GGT7: variants seen among roughly 807,000 people sequenced by gnomAD.
The protein encoded by GGT7 is glutathione hydrolase 7.
A neutral mutation model predicts 69.2 loss-of-function variants in GGT7; 30 were observed. The observed-to-expected ratio is 0.43, with a 90% CI of 0.32 to 0.59. The LOEUF (loss-of-function observed/expected upper bound fraction) is 0.59. Ranked by LOEUF, GGT7 falls within the 20% of genes least tolerant of loss-of-function variation. GGT7 has a pLI of 0.05. For missense variants in GGT7, 733 were observed against 901.1 expected (o/e 0.81, Z 2.39); for synonymous variants, 388 against 391.8 (o/e 0.99, Z 0.12).
chr20:34,868,507 T>C (rs908092553), intron 1 of GGT7, among the ~76,000 whole-genome samples: 26 of 152,246 alleles, frequency 1.7e-4, no homozygotes, highest in African/African-American at 4.6e-4. Context: ...CTGGAGGCAG[T>C]TGGCCTAGTA....
At chr20:34,850,256 T>C in intron 13 of GGT7, 196 bp from the exon 14 acceptor site, 1 of 758,434 alleles carries the variant, frequency 1.3e-6, no homozygotes, top group Non-Finnish European at 2.4e-6. Context: ...GAAAGTGAAG[T>C]CCAGCAAGGA....
intron 14 of GGT7, among the ~76,000 whole-genome samples, chr20:34,849,395 T>A (rs1471253018): frequency 6.6e-6 from 1 of 152,092 alleles, no homozygotes; most frequent in Non-Finnish European, 1.5e-5. Context: ...AGGCTGCTCT[T>A]GAACTCTTGG....
intron 14 of GGT7, among the ~76,000 whole-genome samples, chr20:34,845,999 G>A (rs772992160): frequency 6.6e-6 from 1 of 151,778 alleles, no homozygotes; most frequent in Non-Finnish European, 1.5e-5. Context: ...GGCACAAGTT[G>A]CAGTAAAGTA....
chr20:34,851,458 C>G, intron 12 of GGT7, 90 bp from the exon 13 acceptor site: 3 of 1,302,754 alleles, frequency 2.3e-6, no homozygotes, highest in Non-Finnish European at 1.1e-6. Flanking sequence ...ACTGCTCTCC[C>G]TCTTCTACAT....
In GGT7 at chr20:34,863,840, A is replaced by G. The variant is rs565393238; in HGVS notation, c.170-292T>C. 1.6e-5 allele frequency: 10 copies of G among 608,802 alleles called. No homozygotes were observed. Among genetic ancestry groups the G allele is most frequent in the African/African-American group, 1.1e-4 (6 of 54,966 alleles). The allele number at this position is 608,802 out of a possible 1,614,324, so 37.7% of individuals were successfully genotyped here. A position where few individuals can be genotyped will look rare whatever the true frequency, so the allele number is the denominator to read the frequency against. On this transcript the variant is annotated intron_variant, in intron 1 of 14. Transcript: ENST00000336431. This position sits in a 1 kb window ranked among gnomAD's most constrained non-coding sequence, Gnocchi z 4.4. ...GCACCCAGGGCCCAGGGCTGAGAAC[A>G]CTTCCTGGGGGGTGGGGTGGGGGTT...
intron 14 of GGT7, among the ~76,000 whole-genome samples, chr20:34,849,652 T>G (rs1275632290): frequency 1.3e-5 from 2 of 152,212 alleles, no homozygotes; most frequent in African/African-American, 4.8e-5. Context: ...GGATGATGCC[T>G]GGAACACGTA....
Position 34,863,085 on chromosome 20 carries a change from T to A in GGT7, c.406-120A>T. On this transcript the variant is annotated intron_variant, in intron 2 of 14. Coordinates refer to ENST00000336431, the MANE Select transcript of GGT7 (RefSeq NM_178026.3). This position sits in a 1 kb window ranked among gnomAD's most constrained non-coding sequence, Gnocchi z 4.4. ...TCGAAGCCCTGCCCCCTTGTTGCCT[T>A]GACTCTGCCCTCATTACCCCAAGTG... 3 of 1,023,732 alleles carry A rather than the reference T, an allele frequency of 2.9e-6. No homozygotes were observed. The highest frequency in any genetic ancestry group is 4.3e-6 in the Non-Finnish European group (3 of 694,924). The allele number at this position is 1,023,732 out of a possible 1,614,324, so 63.4% of individuals were successfully genotyped here. A position where few individuals can be genotyped will look rare whatever the true frequency, so the allele number is the denominator to read the frequency against.
At chr20:34,860,385 G>T in intron 4 of GGT7, 64 bp from the exon 5 acceptor site, 1 of 1,215,434 alleles carries the variant, frequency 8.2e-7, no homozygotes, top group Non-Finnish European at 1.2e-6. Context: ...GTGCTGGGCT[G>T]AACTCCGCAG....
chr20:34,865,036 G>C (rs927786852), intron 1 of GGT7, among the ~76,000 whole-genome samples: 3 of 152,118 alleles, frequency 2.0e-5, no homozygotes, highest in African/African-American at 7.2e-5. Context: ...TGGCCAGGCT[G>C]GTCTCGAACT....
At position 34,854,847 on chromosome 20, in the gene GGT7, G is replaced by A; in HGVS notation, c.1179C>T (p.Phe393=). Residue 393 remains phenylalanine, a synonymous_variant, in exon 9 of 15, where the codon TTC becomes TTT. Coordinates refer to ENST00000336431, the MANE Select transcript of GGT7 (RefSeq NM_178026.3). The part of the protein sequence containing the change: ...LISALNILEG[F]NLTSLVSREQ... ...CTCGGGATACCAGGCTGGTGAGATT[G>A]AAGCCCTCCAGGATGTTGAGAGCAC... 6.2e-7 allele frequency: 1 copy of A among 1,614,118 alleles called. No homozygotes were observed. The highest frequency in any genetic ancestry group is 8.5e-7 in the Non-Finnish European group (1 of 1,179,962).
intron 1 of GGT7, among the ~76,000 whole-genome samples, chr20:34,867,331 GACTTT>G (rs1231739732): frequency 6.6e-6 from 1 of 152,152 alleles, no homozygotes; most frequent in East Asian, 1.9e-4. Context: ...GTGTTCCCAA[GACTTT>G]ATGAAATAAG....
chr20:34,864,656 G>A (rs147460387), intron 1 of GGT7, among the ~76,000 whole-genome samples: 38 of 151,666 alleles, frequency 2.5e-4, no homozygotes, highest in African/African-American at 8.5e-4. Context: ...ACAAGGTGGA[G>A]GTTGCAGTGA....
intron 14 of GGT7, among the ~76,000 whole-genome samples, chr20:34,847,003 C>T (rs2079314302): frequency 6.6e-6 from 1 of 152,188 alleles, no homozygotes; most frequent in Admixed American, 6.5e-5. Context: ...TCAAGAATTT[C>T]CTCCACCATT....
At chr20:34,859,821 G>A (rs925548534) in intron 6 of GGT7, 148 bp downstream of exon 6, 41 of 770,636 alleles carry the variant, frequency 5.3e-5, no homozygotes, top group East Asian at 3.2e-4. Context: ...GTTTGAGGCC[G>A]CCTCCAGGTG....
At chr20:34,854,409 G>A (rs545731278) in intron 10 of GGT7, 122 bp downstream of exon 10, 1 of 631,844 alleles carries the variant, frequency 1.6e-6, no homozygotes, top group African/African-American at 1.8e-5. Flanking sequence ...TTGTGAGTTG[G>A]GGTTGAGCTG....
chr20:34,863,014 C>T lies in GGT7; in HGVS notation c.406-49G>A. On this transcript the variant is annotated intron_variant, in intron 2 of 14. Coordinates refer to ENST00000336431, the MANE Select transcript of GGT7 (RefSeq NM_178026.3). The surrounding 1 kb of genome is among the most constrained non-coding windows in gnomAD (Gnocchi z 4.4). Reference sequence around the variant, plus strand: ...TGGGGGCAGGAGGAGCTGTCCACCTCCCTAGGGCACCTCCACTAGCCCTAG... The same window carrying T: ...TGGGGGCAGGAGGAGCTGTCCACCTTCCTAGGGCACCTCCACTAGCCCTAG... The T allele has an allele frequency of 6.4e-7, 1 of 1,552,666 alleles. No individual in the cohort carries two copies. The highest frequency in any genetic ancestry group is 8.8e-7 in the Non-Finnish European group (1 of 1,141,074).
intron 14 of GGT7, among the ~76,000 whole-genome samples, chr20:34,846,786 C>T (rs557445824): frequency 1.3e-5 from 2 of 152,200 alleles, no homozygotes; most frequent in Non-Finnish European, 2.9e-5. Flanking sequence ...GACCTTGCTA[C>T]TTCTCTAAAT....
At chr20:34,865,620 C>T (rs1280805470) in intron 1 of GGT7, among the ~76,000 whole-genome samples, 9 of 152,240 alleles carry the variant, frequency 5.9e-5, no homozygotes, top group Admixed American at 2.6e-4. Context: ...TCAAGTCATG[C>T]ACCTCACCTT....
chr20:34,860,157 G>A, intron 5 of GGT7, 97 bp downstream of exon 5: 3 of 1,043,186 alleles, frequency 2.9e-6, no homozygotes, highest in Non-Finnish European at 4.5e-6. Context: ...ATATTAGGAG[G>A]GGGAGTTGGG....
Sources: gnomAD v4.1 joint callset for allele counts (sites outside exome capture counted in the v4.1 genomes callset) on GRCh38, gnomAD v4.1.1 for gene constraint, Gnocchi (gnomAD v3.1) non-coding constraint, MANE v1.5 for transcripts, NCBI Gene and HGNC (gene_info 2026-07-23, HGNC 2026-07-21) for gene names.